The following EHD4 variants were observed in gnomAD, a reference collection of about 807,000 sequenced individuals.
The protein encoded by EHD4 is EH domain containing 4.
EHD4 carries 37 observed loss-of-function variants against 51.0 expected under a neutral mutation model. The observed-to-expected ratio is 0.73, with a 90% CI of 0.56 to 0.95. The LOEUF (loss-of-function observed/expected upper bound fraction) is 0.95, where lower values mean the gene tolerates loss of function less well. Among genes scored for constraint, EHD4 ranks in the 40% least tolerant of loss-of-function variants. The pLI, the probability that EHD4 is intolerant of heterozygous loss-of-function variation, is 0.00. For missense variants in EHD4, 632 were observed against 733.1 expected (o/e 0.86, Z 1.59); for synonymous variants, 297 against 317.3 (o/e 0.94, Z 0.68).
chr15:41,920,033 A>T (rs1276866400), intron 3 of EHD4, among the ~76,000 whole-genome samples: 3 of 152,200 alleles, frequency 2.0e-5, no homozygotes, highest in African/African-American at 7.2e-5. Flanking sequence ...AAAGCCCCAA[A>T]TACAGAAGAA....
intron 1 of EHD4, among the ~76,000 whole-genome samples, chr15:41,955,473 CCT>C (rs1292983047): frequency 6.6e-6 from 1 of 152,124 alleles, no homozygotes; most frequent in Admixed American, 6.5e-5. Context: ...ACCCCCATTT[CCT>C]CTCAGCTGAG....
chr15:41,904,136 G>A (rs1179709758), intron 5 of EHD4, among the ~76,000 whole-genome samples: 3 of 152,190 alleles, frequency 2.0e-5, no homozygotes, highest in East Asian at 3.8e-4. Context: ...ATGAGCCTGC[G>A]CTCAGAGCGC....
At chr15:41,911,329 A>T (rs1486133368) in intron 4 of EHD4, among the ~76,000 whole-genome samples, 12 of 152,264 alleles carry the variant, frequency 7.9e-5, no homozygotes, top group Admixed American at 7.9e-4. Context: ...TCAAATGAAG[A>T]CAATTGAAAT....
rs748154378 is a variant in EHD4, at chr15:41,900,436, C to G, written c.*209G>C. On this transcript the variant is annotated 3_prime_UTR_variant, in exon 6 of 6. Coordinates refer to ENST00000220325, the MANE Select transcript of EHD4 (RefSeq NM_139265.4). The surrounding 1 kb of genome is among the most constrained non-coding windows in gnomAD (Gnocchi z 4.8). Reference sequence around the variant, plus strand: ...ACCCTTCAATCTCCTAATCCACCCCCCTACCCCCAATATTTTCATAGAAAC... The same window carrying G: ...ACCCTTCAATCTCCTAATCCACCCCGCTACCCCCAATATTTTCATAGAAAC... 2.0e-5 allele frequency: 12 copies of G among 605,220 alleles called. No homozygotes were observed. The highest frequency in any genetic ancestry group is 5.6e-5 in the African/African-American group (3 of 54,000). 37.5% of individuals were successfully genotyped at this position (605,220 alleles called of 1,614,324 possible).
chr15:41,912,382 C>T (rs1417377830), intron 4 of EHD4, among the ~76,000 whole-genome samples: 1 of 152,162 alleles, frequency 6.6e-6, no homozygotes, highest in Non-Finnish European at 1.5e-5. Context: ...AACTTCTGTG[C>T]ACAGACCTGC....
Position 41,900,352 on chromosome 15 carries a change from C to A in EHD4, c.*293G>T. The A allele has an allele frequency of 2.4e-6, 1 of 423,468 alleles. No individual in the cohort carries two copies. Among genetic ancestry groups the A allele is most frequent in the Non-Finnish European group, 4.3e-6 (1 of 235,272 alleles). 26.2% of individuals were successfully genotyped at this position (423,468 alleles called of 1,614,324 possible). ...TCCTGGGACTTACCAGGCCCACCCC[C>A]ATGCGCATTTCTCCAGGCAGGTTCT... On this transcript the variant is annotated 3_prime_UTR_variant, in exon 6 of 6. Coordinates refer to ENST00000220325, the MANE Select transcript of EHD4 (RefSeq NM_139265.4). This position sits in a 1 kb window ranked among gnomAD's most constrained non-coding sequence, Gnocchi z 4.8.
Position 41,901,156 on chromosome 15 carries a change from G to A in EHD4, c.1115C>T (p.Thr372Ile). The part of the protein sequence containing the change: ...MQEQLENYDF[T>I]KFHSLKPKLI... ...CTTGGGCTTCAGCGAGTGGAATTTGGTGAAGTCATAGTTCTCAAGCTGTTC... is the reference window on the plus strand; with the variant it reads ...CTTGGGCTTCAGCGAGTGGAATTTGATGAAGTCATAGTTCTCAAGCTGTTC... The change falls in exon 6 of 6, where the codon ACC becomes ATC. Residue 372 changes from threonine (T) to isoleucine (I), a missense_variant. Coordinates refer to ENST00000220325, the MANE Select transcript of EHD4 (RefSeq NM_139265.4). The A allele has an allele frequency of 6.4e-7, 1 of 1,567,724 alleles. No homozygotes were observed. The highest frequency in any genetic ancestry group is 8.6e-7 in the Non-Finnish European group (1 of 1,158,524).
chr15:41,939,272 A>G lies in EHD4; in HGVS notation c.511+3795T>C, dbSNP rs578157489. Among the ~76,000 whole-genome samples the G allele has an allele frequency of 3.0e-4, 46 of 152,376 alleles. No homozygotes were observed. In the East Asian group the frequency reaches 8.3e-3, roughly 27 times the overall value. On this transcript the variant is annotated intron_variant, in intron 3 of 5. Coordinates refer to ENST00000220325, the MANE Select transcript of EHD4 (RefSeq NM_139265.4). Reference sequence around the variant, plus strand: ...AGGACTTTTAGGAAGCTATTACTTGATCAGAATATTATTATTATAAATATA... The same window carrying G: ...AGGACTTTTAGGAAGCTATTACTTGGTCAGAATATTATTATTATAAATATA...
chr15:41,922,278 A>G (rs1336127322), intron 3 of EHD4, among the ~76,000 whole-genome samples: 1 of 152,144 alleles, frequency 6.6e-6, no homozygotes, highest in Non-Finnish European at 1.5e-5. Flanking sequence ...GGGCTCAGCT[A>G]CTTGGGAGGC....
chr15:41,899,515 A>G lies in EHD4; in HGVS notation c.*1130T>C, dbSNP rs1417863070. 1.3e-5 allele frequency: 2 copies of G among 152,056 alleles called. No homozygotes were observed. Among genetic ancestry groups the G allele is most frequent in the African/African-American group, 4.8e-5 (2 of 41,408 alleles). The allele number at this position is 152,056 out of a possible 1,614,324, so 9.4% of individuals were successfully genotyped here. On this transcript the variant is annotated 3_prime_UTR_variant, in exon 6 of 6. Transcript: ENST00000220325. ...GCTTTTATCCTGTAAGGAAAAAAAAAAAACACAAAACCCTAGACATAATAA... is the reference window on the plus strand; with the variant it reads ...GCTTTTATCCTGTAAGGAAAAAAAAGAAACACAAAACCCTAGACATAATAA...
At chr15:41,914,379 T>C (rs2067569551) in intron 4 of EHD4, among the ~76,000 whole-genome samples, 1 of 152,136 alleles carries the variant, frequency 6.6e-6, no homozygotes, top group Admixed American at 6.5e-5. Context: ...ATATAAAAAA[T>C]TCAGTTAATA....
chr15:41,936,008 C>G (rs1348702896), intron 3 of EHD4, among the ~76,000 whole-genome samples: 2 of 152,232 alleles, frequency 1.3e-5, no homozygotes, highest in African/African-American at 4.8e-5. Flanking sequence ...ATGGCCGTCT[C>G]AGTCACAGTA....
intron 5 of EHD4, among the ~76,000 whole-genome samples, chr15:41,903,583 T>C (rs779103961): frequency 5.9e-4 from 90 of 152,206 alleles, no homozygotes; most frequent in Admixed American, 2.1e-3. Context: ...TTACAGAATA[T>C]TGAACTTAGA....
At chr15:41,925,498 G>A (rs2067655248) in intron 3 of EHD4, among the ~76,000 whole-genome samples, 1 of 152,182 alleles carries the variant, frequency 6.6e-6, no homozygotes, top group Non-Finnish European at 1.5e-5. Flanking sequence ...GCATGTACTA[G>A]TGTGTGTTGT....
chr15:41,927,373 G>A (rs1197814193), intron 3 of EHD4, among the ~76,000 whole-genome samples: 1 of 152,178 alleles, frequency 6.6e-6, no homozygotes, highest in Non-Finnish European at 1.5e-5. Flanking sequence ...AGCATTATTG[G>A]CATCATTTCT....
chr15:41,959,981 C>G (rs1704408), intron 1 of EHD4, among the ~76,000 whole-genome samples: 5,507 of 145,528 alleles, frequency 0.038, 359 homozygotes, highest in African/African-American at 0.13. Context: ...AAAAAAAAAG[C>G]AGTTTCTATT....
Position 41,943,069 on chromosome 15 carries a change from C to T in EHD4, c.509G>A (p.Arg170Gln), listed in dbSNP as rs375223252. ...GAGGGGCAGGGACAGGCACTGACCT[C>T]GGCTGATGCGCTGCTTCTCCCCAGA... ...ILSGEKQRIS[R>Q]GYDFCQVLQW... is the part of the protein sequence containing the mutation. The change falls in exon 3 of 6, where the codon CGA (arginine) becomes CAA (glutamine). Residue 170 changes from arginine (R) to glutamine (Q), a missense_variant and splice_region_variant. Transcript: ENST00000220325. The T allele has an allele frequency of 9.6e-6, 15 of 1,570,292 alleles. No homozygotes were observed. The highest frequency in any genetic ancestry group is 3.8e-5 in the Admixed American group (2 of 52,846).
Position 41,900,669 on chromosome 15 carries a change from C to G in EHD4, c.1602G>C (p.Arg534Ser). 1 of 1,599,252 alleles carries G rather than the reference C, an allele frequency of 6.3e-7. No homozygotes were observed. Among genetic ancestry groups the G allele is most frequent in the Non-Finnish European group, 8.5e-7 (1 of 1,177,312 alleles). The change falls in exon 6 of 6, where the codon AGG (arginine) becomes AGC (serine). Residue 534 changes from arginine to serine, a missense_variant. Physicochemically the swap from Arg to Ser is moderately radical, Grantham distance 110 (BLOSUM62 -1). Coordinates refer to ENST00000220325, the MANE Select transcript of EHD4 (RefSeq NM_139265.4). The surrounding 1 kb of genome is among the most constrained non-coding windows in gnomAD (Gnocchi z 4.8). ...CTCAGTCGGCCTTGGGCAGGGACTT[C>G]CTGTGCGAGGGGGGCACGAGGTGGG... is the stretch of plus-strand genomic sequence containing the variant. ...LPPHLVPPSH[R>S]KSLPKAD
intron 3 of EHD4, chr15:41,941,789 G>A (rs2067773260): frequency 1.3e-5 from 2 of 152,146 alleles, no homozygotes; most frequent in South Asian, 4.1e-4. Context: ...CCAAGAGAAA[G>A]GAGGGCTTAT....
Sources: allele counts gnomAD v4.1 joint callset (sites outside exome capture counted in the v4.1 genomes callset), GRCh38; gene constraint gnomAD v4.1.1; non-coding constraint Gnocchi (gnomAD v3.1); transcripts MANE v1.5; gene names NCBI Gene and HGNC (gene_info 2026-07-23, HGNC 2026-07-21).